Variants in TRMT11 observed in about 807,000 individuals in gnomAD.
The protein encoded by TRMT11 is tRNA (guanine(10)-N(2))-methyltransferase TRMT11.
In TRMT11, 53 loss-of-function variants were observed where a neutral mutation model predicts 62.8. The observed-to-expected ratio is 0.84, with a 90% CI of 0.68 to 1.06. The LOEUF (loss-of-function observed/expected upper bound fraction) is 1.06. Among genes scored for constraint, TRMT11 ranks in the 50% least tolerant of loss-of-function variants. The pLI, the probability that TRMT11 is intolerant of heterozygous loss-of-function variation, is 0.00. For missense variants in TRMT11, 556 were observed against 553.4 expected, an observed-to-expected ratio of 1.00 and a Z score of -0.05; for synonymous variants, 188 against 190.3, an observed-to-expected ratio of 0.99 and a Z score of 0.10.
chr6:126,059,984 A>G (rs1365814992), intron 17 of TRMT11, among the ~76,000 whole-genome samples: 1 of 152,220 alleles, frequency 6.6e-6, no homozygotes, highest in Non-Finnish European at 1.5e-5. Context: ...CTGGAGGAAA[A>G]GAAGGATAAA....
chr6:126,035,687 A>T (rs1284616103), intron 12 of TRMT11, among the ~76,000 whole-genome samples: 1 of 152,058 alleles, frequency 6.6e-6, no homozygotes, highest in Non-Finnish European at 1.5e-5. Context: ...GAGAGGTCTA[A>T]ACTATTACAG....
At chr6:126,018,825 A>G (rs1795367924) in intron 11 of TRMT11, among the ~76,000 whole-genome samples, 1 of 152,206 alleles carries the variant, frequency 6.6e-6, no homozygotes, top group Admixed American at 6.5e-5. Context: ...CCACTTGCGA[A>G]CATTCCATTG....
intron 1 of TRMT11, among the ~76,000 whole-genome samples, chr6:126,181,944 A>C (rs895587197): frequency 1.6e-4 from 24 of 152,318 alleles, no homozygotes; most frequent in African/African-American, 4.8e-4. Flanking sequence ...TCATCCTGTC[A>C]AAAACAGATA....
chr6:126,006,294 C>CT (rs1314763220), intron 7 of TRMT11, among the ~76,000 whole-genome samples: 1 of 151,624 alleles, frequency 6.6e-6, no homozygotes, highest in Non-Finnish European at 1.5e-5. Flanking sequence ...ATTTTTCTTT[C>CT]TTTTTTTTCT....
chr6:126,114,181 G>A (rs1361330536), intron 18 of TRMT11, among the ~76,000 whole-genome samples: 1 of 152,066 alleles, frequency 6.6e-6, no homozygotes, highest in Non-Finnish European at 1.5e-5. Flanking sequence ...GATGTATGTA[G>A]ACTGAGTTCT....
chr6:126,187,225 CA>C (rs1288889517), intron 1 of TRMT11, among the ~76,000 whole-genome samples: 1 of 151,546 alleles, frequency 6.6e-6, no homozygotes, highest in Non-Finnish European at 1.5e-5. Flanking sequence ...ATGGAACCCA[CA>C]AAAAAACTCT....
At chr6:126,075,364 GA>G (rs1776990741) in intron 17 of TRMT11, among the ~76,000 whole-genome samples, 1 of 152,074 alleles carries the variant, frequency 6.6e-6, no homozygotes, top group Non-Finnish European at 1.5e-5. Context: ...CCAAGTGTTG[GA>G]GGAGGGGCCT....
intron 17 of TRMT11, among the ~76,000 whole-genome samples, chr6:126,076,231 C>G (rs558890314): frequency 6.6e-6 from 1 of 152,192 alleles, no homozygotes; most frequent in Non-Finnish European, 1.5e-5. Flanking sequence ...CCAATTACAG[C>G]TCTTATAGTC....
At chr6:126,033,697 C>T (rs999149913) in intron 12 of TRMT11, among the ~76,000 whole-genome samples, 4 of 152,082 alleles carry the variant, frequency 2.6e-5, no homozygotes, top group South Asian at 2.1e-4. Context: ...TACAGCAATC[C>T]GGGACTCACA....
the TRMT11 span, among the ~76,000 whole-genome samples, chr6:126,260,301 G>C: frequency 6.6e-6 from 1 of 151,948 alleles, no homozygotes; most frequent in Admixed American, 6.6e-5. Context: ...ACTTAACCTT[G>C]GTCACATAAA....
At chr6:126,107,239 C>G (rs1448377903) in intron 17 of TRMT11, among the ~76,000 whole-genome samples, 1 of 152,146 alleles carries the variant, frequency 6.6e-6, no homozygotes, top group Non-Finnish European at 1.5e-5. Context: ...TGGAAAATTT[C>G]CTTCCTGACA....
chr6:126,032,487 G>T (rs74763529), intron 12 of TRMT11, among the ~76,000 whole-genome samples: 1 of 152,022 alleles, frequency 6.6e-6, no homozygotes, highest in Non-Finnish European at 1.5e-5. Flanking sequence ...CTTCTCACAC[G>T]CACTGTGTTT....
chr6:125,995,455 T>A (rs944157244), intron 2 of TRMT11, among the ~76,000 whole-genome samples: 5 of 152,252 alleles, frequency 3.3e-5, no homozygotes, highest in Admixed American at 1.3e-4. Context: ...TTCCCCTAGA[T>A]AAAATATAAA....
At chr6:125,998,358 A>AAT in intron 5 of TRMT11, 43 bp downstream of exon 5, 1 of 1,384,428 alleles carries the variant, frequency 7.2e-7, no homozygotes, top group Non-Finnish European at 1.0e-6. Context: ...TGATGAATGC[A>AAT]GTCTGGCCAT....
chr6:126,152,395 G>A (rs1200757660), intron 21 of TRMT11, among the ~76,000 whole-genome samples: 1 of 152,154 alleles, frequency 6.6e-6, no homozygotes, highest in Non-Finnish European at 1.5e-5. Flanking sequence ...TAAGTGGGTA[G>A]AGAATTGTTT....
intron 21 of TRMT11, among the ~76,000 whole-genome samples, chr6:126,130,141 G>A (rs191614862): frequency 4.5e-4 from 68 of 152,168 alleles, no homozygotes; most frequent in East Asian, 4.5e-3. Flanking sequence ...AATATATTGA[G>A]CATTTCATCT....
intron 21 of TRMT11, among the ~76,000 whole-genome samples, chr6:126,125,399 C>G (rs748469244): frequency 2.0e-5 from 3 of 151,770 alleles, no homozygotes; most frequent in Non-Finnish European, 2.9e-5. Context: ...AAATGTTCAT[C>G]TGGTAGGTGT....
chr6:126,211,908 T>C, the TRMT11 span, among the ~76,000 whole-genome samples: 1 of 152,094 alleles, frequency 6.6e-6, no homozygotes, highest in African/African-American at 2.4e-5. Flanking sequence ...TTAGTAACCA[T>C]CCTCTCTTTA....
the TRMT11 span, among the ~76,000 whole-genome samples, chr6:126,234,453 A>T: frequency 6.6e-6 from 1 of 152,084 alleles, no homozygotes; most frequent in African/African-American, 2.4e-5. Context: ...TTTTAAATAT[A>T]TTGTTCAATT....
Sources: allele counts gnomAD v4.1 joint callset (sites outside exome capture counted in the v4.1 genomes callset), GRCh38; gene constraint gnomAD v4.1.1; transcripts MANE v1.5; gene names NCBI Gene and HGNC (gene_info 2026-07-23, HGNC 2026-07-21).